Variants in TMEM132D observed in about 807,000 individuals in gnomAD.
TMEM132D encodes transmembrane protein 132D.
Under a neutral mutation model 62.3 loss-of-function variants are expected in TMEM132D, and 21 were observed. The observed-to-expected ratio is 0.34, with a 90% CI of 0.24 to 0.49. The LOEUF (loss-of-function observed/expected upper bound fraction) is 0.49, where lower values mean the gene tolerates loss of function less well. TMEM132D is among the 20% of genes least tolerant of loss of function. The probability of loss-of-function intolerance (pLI) is 0.99; values close to 1 mark genes in which losing one functional copy is unlikely to be tolerated. For missense variants in TMEM132D, 1,346 were observed against 1,402.8 expected (o/e 0.96, Z 0.65); for synonymous variants, 621 against 575.6 (o/e 1.08, Z -1.13).
At chr12:129,694,935 G>A (rs1881165241) in intron 2 of TMEM132D, among the ~76,000 whole-genome samples, 1 of 152,158 alleles carries the variant, frequency 6.6e-6, no homozygotes, top group Non-Finnish European at 1.5e-5. Context: ...TTGAACCTGG[G>A]AGGCAGAGGT....
intron 3 of TMEM132D, among the ~76,000 whole-genome samples, chr12:129,523,297 C>T (rs1875911307): frequency 6.6e-6 from 1 of 152,212 alleles, no homozygotes; most frequent in Non-Finnish European, 1.5e-5. Context: ...GAAGCAACAT[C>T]TAGTGGCCTT....
chr12:129,594,918 C>A (rs1593080859), intron 2 of TMEM132D, among the ~76,000 whole-genome samples: 1 of 152,268 alleles, frequency 6.6e-6, no homozygotes, highest in East Asian at 1.9e-4. Context: ...GAACACAATG[C>A]AAATATACCT....
At chr12:129,327,548 C>T (rs1483853339) in intron 4 of TMEM132D, among the ~76,000 whole-genome samples, 8 of 152,218 alleles carry the variant, frequency 5.3e-5, no homozygotes, top group Non-Finnish European at 1.2e-4. Flanking sequence ...TATATCATCT[C>T]GGAAAGTTTC....
chr12:129,119,565 AG>A (rs1483864935), intron 5 of TMEM132D, among the ~76,000 whole-genome samples: 1 of 152,236 alleles, frequency 6.6e-6, no homozygotes, highest in Non-Finnish European at 1.5e-5. Flanking sequence ...CCAAACCTGA[AG>A]GTGCTAAAAT....
intron 2 of TMEM132D, among the ~76,000 whole-genome samples, chr12:129,567,088 T>C (rs1293059324): frequency 6.6e-6 from 1 of 152,234 alleles, no homozygotes; most frequent in African/African-American, 2.4e-5. Flanking sequence ...CCTGGGGCTA[T>C]GTAACAGGTC....
intron 1 of TMEM132D, among the ~76,000 whole-genome samples, chr12:129,889,931 AAC>A (rs1300167143): frequency 1.3e-5 from 2 of 152,222 alleles, no homozygotes; most frequent in Non-Finnish European, 2.9e-5. Context: ...GAATGCGAGA[AAC>A]ACAAAATTAG....
At chr12:129,420,578 T>A (rs1454304152) in intron 3 of TMEM132D, among the ~76,000 whole-genome samples, 3 of 152,090 alleles carry the variant, frequency 2.0e-5, no homozygotes, top group Non-Finnish European at 4.4e-5. Context: ...GCTGGGTTGG[T>A]TGTGTGCTTC....
intron 4 of TMEM132D, among the ~76,000 whole-genome samples, chr12:129,240,044 A>G (rs1412129666): frequency 6.6e-6 from 1 of 152,194 alleles, no homozygotes; most frequent in African/African-American, 2.4e-5. Flanking sequence ...CTTCCAGTCT[A>G]AAGAGGTAGA....
Position 129,332,756 on chromosome 12 carries a change from A to C in TMEM132D, c.1299+4878T>G, listed in dbSNP as rs566732190. Reference sequence around the variant, plus strand: ...TGCAAGCCAAAAAAGTCTGACCAGCAAAGTTAGCAAATGGTAAACTAGTAA... The same window carrying C: ...TGCAAGCCAAAAAAGTCTGACCAGCCAAGTTAGCAAATGGTAAACTAGTAA... On this transcript the variant is annotated intron_variant, in intron 4 of 8. Coordinates refer to ENST00000422113, the MANE Select transcript of TMEM132D (RefSeq NM_133448.3). 1.4e-4 allele frequency among the ~76,000 whole-genome samples: 21 copies of C among 152,348 alleles called. No individual in the cohort carries two copies. In the South Asian group the frequency reaches 3.9e-3, roughly 29 times the overall value.
chr12:129,691,608 A>G (rs1881062642), intron 2 of TMEM132D, among the ~76,000 whole-genome samples: 1 of 152,138 alleles, frequency 6.6e-6, no homozygotes, highest in Non-Finnish European at 1.5e-5. Context: ...AATTGCTAAG[A>G]TATTAAATTT....
intron 2 of TMEM132D, among the ~76,000 whole-genome samples, chr12:129,560,239 T>A (rs1192724513): frequency 6.6e-6 from 1 of 150,650 alleles, no homozygotes; most frequent in Non-Finnish European, 1.5e-5. Flanking sequence ...CTGACACTTG[T>A]TTTTTGTTGT....
intron 2 of TMEM132D, among the ~76,000 whole-genome samples, chr12:129,550,798 T>C (rs760376244): frequency 6.6e-6 from 1 of 152,172 alleles, no homozygotes; most frequent in African/African-American, 2.4e-5. Flanking sequence ...ATATGGCAGA[T>C]TGTATTTCCA....
intron 5 of TMEM132D, among the ~76,000 whole-genome samples, chr12:129,151,167 G>A (rs985422076): frequency 6.6e-6 from 1 of 152,172 alleles, no homozygotes; most frequent in Non-Finnish European, 1.5e-5. Flanking sequence ...CTAATGCAGG[G>A]CATGGACTAT....
chr12:129,240,545 A>G (rs980451263), intron 4 of TMEM132D, among the ~76,000 whole-genome samples: 12 of 152,232 alleles, frequency 7.9e-5, no homozygotes, highest in Non-Finnish European at 1.2e-4. Flanking sequence ...CATATAAAGG[A>G]AGAATGAAGA....
At chr12:129,534,767 A>G (rs1259264716) in intron 2 of TMEM132D, among the ~76,000 whole-genome samples, 1 of 152,202 alleles carries the variant, frequency 6.6e-6, no homozygotes, top group East Asian at 1.9e-4. Context: ...GAACAAAGAG[A>G]CACAGCAAAT....
At chr12:129,242,168 C>T (rs1485260549) in intron 4 of TMEM132D, among the ~76,000 whole-genome samples, 5 of 152,196 alleles carry the variant, frequency 3.3e-5, no homozygotes, top group Non-Finnish European at 7.3e-5. Context: ...GTTTCTTGGA[C>T]TTCAGAAGAA....
At chr12:129,756,221 T>C (rs1173224474) in intron 1 of TMEM132D, among the ~76,000 whole-genome samples, 1 of 152,156 alleles carries the variant, frequency 6.6e-6, no homozygotes, top group African/African-American at 2.4e-5. Flanking sequence ...ACATTGTGCC[T>C]AGAGTTCATA....
chr12:129,606,544 T>G (rs1317464604), intron 2 of TMEM132D, among the ~76,000 whole-genome samples: 2 of 152,104 alleles, frequency 1.3e-5, no homozygotes, highest in Non-Finnish European at 2.9e-5. Context: ...GGCAGACAGC[T>G]GAGGACCAGG....
chr12:129,104,533 T>C (rs1461785008), intron 5 of TMEM132D, among the ~76,000 whole-genome samples: 2 of 152,100 alleles, frequency 1.3e-5, no homozygotes, highest in Non-Finnish European at 2.9e-5. Context: ...AAAGCCAAAA[T>C]TGACAAATGG....
Sources: allele counts gnomAD v4.1 joint callset (sites outside exome capture counted in the v4.1 genomes callset), GRCh38; gene constraint gnomAD v4.1.1; transcripts MANE v1.5; gene names NCBI Gene and HGNC (gene_info 2026-07-23, HGNC 2026-07-21).